CD38: variants seen among roughly 807,000 people sequenced by gnomAD.
The protein encoded by CD38 is CD38 molecule, also known as ADP-ribosyl cyclase/cyclic ADP-ribose hydrolase 1.
CD38 carries 31 observed loss-of-function variants against 36.3 expected under a neutral mutation model. That is an observed-to-expected ratio of 0.85 (90% CI 0.64 to 1.15). The LOEUF (loss-of-function observed/expected upper bound fraction) is 1.15, where lower values mean the gene tolerates loss of function less well. CD38 is among the 50% of genes most tolerant of loss of function. CD38 has a pLI of 0.00. For synonymous variants in CD38, 131 were observed against 135.2 expected (o/e 0.97, Z 0.22); for missense variants, 380 against 371.9 (o/e 1.02, Z -0.18).
At chr4:15,784,299 C>T (rs1284715760) in intron 1 of CD38, among the ~76,000 whole-genome samples, 1 of 152,182 alleles carries the variant, frequency 6.6e-6, no homozygotes, top group Non-Finnish European at 1.5e-5. Context: ...TCAGGAAGCA[C>T]TTTAAGAAAG....
intron 4 of CD38, among the ~76,000 whole-genome samples, chr4:15,835,077 T>A (rs748441900): frequency 2.6e-5 from 4 of 152,168 alleles, no homozygotes; most frequent in Non-Finnish European, 5.9e-5. Flanking sequence ...TGAAACTACA[T>A]ATTATTAACT....
chr4:15,835,467 T>A (rs1199942263), intron 4 of CD38, among the ~76,000 whole-genome samples: 1 of 123,176 alleles, frequency 8.1e-6, no homozygotes, highest in East Asian at 2.8e-4. Context: ...AACCACCACC[T>A]CCTAAGTTCA....
chr4:15,793,438 T>G (rs1723045817), intron 1 of CD38, among the ~76,000 whole-genome samples: 1 of 152,128 alleles, frequency 6.6e-6, no homozygotes, highest in Non-Finnish European at 1.5e-5. Context: ...AATATAATTA[T>G]GTATTTACTT....
At chr4:15,785,379 A>G (rs917584062) in intron 1 of CD38, among the ~76,000 whole-genome samples, 4 of 151,930 alleles carry the variant, frequency 2.6e-5, no homozygotes, top group African/African-American at 9.7e-5. Flanking sequence ...GGAGAAGAAG[A>G]TACCTATTTC....
At chr4:15,834,663 C>T (rs549790371) in intron 4 of CD38, among the ~76,000 whole-genome samples, 6 of 152,272 alleles carry the variant, frequency 3.9e-5, no homozygotes, top group Middle Eastern at 3.4e-3. Flanking sequence ...GTGGCAGGTA[C>T]GGTCCTCAGA....
chr4:15,812,648 C>T (rs978395731), intron 1 of CD38, among the ~76,000 whole-genome samples: 4 of 152,038 alleles, frequency 2.6e-5, no homozygotes, highest in South Asian at 4.1e-4. Context: ...TGCAGTGAGC[C>T]GAGATCGCAC....
chr4:15,805,288 C>T (rs1035381166), intron 1 of CD38, among the ~76,000 whole-genome samples: 1 of 151,810 alleles, frequency 6.6e-6, no homozygotes, highest in African/African-American at 2.4e-5. Flanking sequence ...TGGCTTGTGA[C>T]GCTTATTCCT....
rs544899724 is a variant in CD38, at chr4:15,834,424, T to C, written c.585+122T>C. 1.4e-5 allele frequency: 9 copies of C among 659,754 alleles called. 1 individual carries two copies. In the South Asian group the frequency reaches 1.5e-4, roughly 11 times the overall value. 40.9% of individuals were successfully genotyped at this position (659,754 alleles called of 1,614,324 possible). On this transcript the variant is annotated intron_variant, in intron 4 of 7. Transcript: ENST00000226279. ...TACTTTTAGGAATGAAAATATAGGA[T>C]TCATTCCTGAGAAAAAGGTTCAGAT...
chr4:15,786,391 A>G (rs1722830705), intron 1 of CD38, among the ~76,000 whole-genome samples: 1 of 152,218 alleles, frequency 6.6e-6, no homozygotes, highest in Non-Finnish European at 1.5e-5. Flanking sequence ...CAAAGTGCTG[A>G]TTGGTGTGTT....
chr4:15,800,246 C>A (rs1723190318), intron 1 of CD38, among the ~76,000 whole-genome samples: 1 of 152,150 alleles, frequency 6.6e-6, no homozygotes, highest in African/African-American at 2.4e-5. Flanking sequence ...AACTGGCAAG[C>A]CACCTTTCGT....
At chr4:15,783,667 C>A (rs1722745601) in intron 1 of CD38, among the ~76,000 whole-genome samples, 1 of 152,210 alleles carries the variant, frequency 6.6e-6, no homozygotes, top group East Asian at 1.9e-4. Context: ...GAGACTTAAT[C>A]AGAGAAAATC....
In CD38 at chr4:15,841,593, C is replaced by T. The variant is rs541665502; in HGVS notation, c.839+1055C>T. Among the ~76,000 whole-genome samples the T allele has an allele frequency of 1.1e-3, 158 of 148,720 alleles. 1 individual carries two copies. The highest frequency in any genetic ancestry group is 1.8e-3 in the Non-Finnish European group (119 of 68,000). ...GAATAGGAACAGCTCCGGTCTACAG[C>T]TCCCAGCGTGAGCGACGCAGAAGAC... On this transcript the variant is annotated intron_variant, in intron 7 of 7. Transcript: ENST00000226279.
In CD38 at chr4:15,850,287, A is replaced by T. The variant is rs1724356729; in HGVS notation, c.*1685A>T. ...GCACTCTGGCCTGAGTGACAGATTG[A>T]GACCCTGTCTCAATAAAAGCAAAAA... is the stretch of plus-strand genomic sequence containing the variant. On this transcript the variant is annotated 3_prime_UTR_variant, in exon 8 of 8. Transcript: ENST00000226279. The T allele has an allele frequency of 1.3e-5, 2 of 152,176 alleles. No individual in the cohort carries two copies. The highest frequency in any genetic ancestry group is 2.9e-5 in the Non-Finnish European group (2 of 68,040). The allele number at this position is 152,176 out of a possible 1,614,324, so 9.4% of individuals were successfully genotyped here.
rs370167085 is a variant in CD38 at position 15,825,001 on chromosome 4, G to T, written c.484G>T (p.Glu162Ter). 2 of 1,612,134 alleles carry T rather than the reference G, an allele frequency of 1.2e-6. No individual in the cohort carries two copies. The highest frequency in any genetic ancestry group is 1.3e-5 in the African/African-American group (1 of 74,858). ...TGCTGATGACCTCACATGGTGTGGTGAATTCAACACTTCCAGTGAGGCTCT... is the reference window on the plus strand; with the variant it reads ...TGCTGATGACCTCACATGGTGTGGTTAATTCAACACTTCCAGTGAGGCTCT... ...YLADDLTWCG[E>*]FNTSKINYQS... The change falls in exon 3 of 8, where the codon GAA (glutamate) becomes TAA (stop). Residue 162 changes from glutamate (E) to a stop codon, truncating the protein, a stop_gained. Transcript: ENST00000226279. LOFTEE classifies it high-confidence loss of function.
intron 1 of CD38, among the ~76,000 whole-genome samples, chr4:15,782,409 T>C (rs1451711966): frequency 6.6e-6 from 1 of 152,256 alleles, no homozygotes; most frequent in Non-Finnish European, 1.5e-5. Flanking sequence ...TTTGTCCTTC[T>C]CTTACACTTA....
intron 3 of CD38, among the ~76,000 whole-genome samples, chr4:15,830,745 T>C (rs369144446): frequency 3.9e-5 from 6 of 152,190 alleles, no homozygotes; most frequent in African/African-American, 1.4e-4. Context: ...AGGTCTTAGA[T>C]TTAAATCTTT....
chr4:15,840,108 G>A lies in CD38; in HGVS notation c.742G>A (p.Glu248Lys), dbSNP rs373930972. The change falls in exon 6 of 8, where the codon GAA (glutamate) becomes AAA (lysine). Residue 248 changes from glutamate to lysine, a missense_variant. Transcript: ENST00000226279. The part of the protein sequence containing the change: ...LEAWVIHGGR[E>K]DSRDLCQDPT... ...GGCCTGGGTGATACATGGTGGAAGA[G>A]AAGATTCCAGGTATATCTTACTACT... 12 of 1,604,290 alleles carry A rather than the reference G, an allele frequency of 7.5e-6. No homozygotes were observed. The highest frequency in any genetic ancestry group is 8.5e-6 in the Non-Finnish European group (10 of 1,171,072).
rs776626347 is a variant in CD38, at chr4:15,816,615, G to A, written c.338G>A (p.Gly113Glu). The change falls in exon 2 of 8, where the codon GGA (glycine) becomes GAA (glutamate). Residue 113 changes from glycine (G) to glutamate (E), a missense_variant. Coordinates refer to ENST00000226279, the MANE Select transcript of CD38 (RefSeq NM_001775.4). The part of the protein sequence containing the change: ...EEDYQPLMKL[G>E]TQTVPCNKIL... ...GACTATCAGCCACTAATGAAGTTGG[G>A]AACTCAGACCGTACCTTGCAACAAG... 6.2e-7 allele frequency: 1 copy of A among 1,613,946 alleles called. No individual in the cohort carries two copies. Among genetic ancestry groups the A allele is most frequent in the Admixed American group, 1.7e-5 (1 of 60,012 alleles).
intron 3 of CD38, among the ~76,000 whole-genome samples, chr4:15,827,909 C>G (rs1055611736): frequency 2.0e-5 from 3 of 152,022 alleles, no homozygotes; most frequent in Admixed American, 1.3e-4. Flanking sequence ...ACTTTTTATT[C>G]TAAGTTGACA....
Sources: gnomAD v4.1 joint callset for allele counts (sites outside exome capture counted in the v4.1 genomes callset) on GRCh38, gnomAD v4.1.1 for gene constraint, MANE v1.5 for transcripts, NCBI Gene and HGNC (gene_info 2026-07-23, HGNC 2026-07-21) for gene names.